CCNDBP1: variants seen among roughly 807,000 people sequenced by gnomAD.
The protein encoded by CCNDBP1 is cyclin-D1-binding protein 1.
Under a neutral mutation model 46.2 loss-of-function variants are expected in CCNDBP1, and 45 were observed. That is an observed-to-expected ratio of 0.97 (90% confidence interval 0.77 to 1.25). The LOEUF is 1.25. CCNDBP1 is among the 50% of genes most tolerant of loss of function. The pLI, the probability that CCNDBP1 is intolerant of heterozygous loss-of-function variation, is 0.00. For synonymous variants in CCNDBP1, 154 were observed against 163.6 expected, an observed-to-expected ratio of 0.94 and a Z score of 0.45; for missense variants, 436 against 442.1, an observed-to-expected ratio of 0.99 and a Z score of 0.12.
intron 4 of CCNDBP1, chr15:43,189,481 T>C: frequency 2.0e-6 from 1 of 493,806 alleles, no homozygotes; most frequent in Admixed American, 3.9e-5. Flanking sequence ...TGACTTCCCA[T>C]CTCCCCTGCC....
In CCNDBP1 at chr15:43,191,396, C is replaced by T; in HGVS notation, c.581C>T (p.Ala194Val). The T allele has an allele frequency of 8.1e-7, 1 of 1,236,440 alleles. No individual in the cohort carries two copies. Among genetic ancestry groups the T allele is most frequent in the Non-Finnish European group, 1.1e-6 (1 of 899,946 alleles). 76.6% of individuals were successfully genotyped at this position (1,236,440 alleles called of 1,614,324 possible). A position where few individuals can be genotyped will look rare whatever the true frequency, so the allele number is the denominator to read the frequency against. Reference sequence around the variant, plus strand: ...CACATACATCATGGTATGTCTTAGGCTGTGGAAGAATGTGACCCTTACTCT... The same window carrying T: ...CACATACATCATGGTATGTCTTAGGTTGTGGAAGAATGTGACCCTTACTCT... ...VKDAHEEMEQ[A>V]VEECDPYSGL... The change falls in exon 8 of 11, where the codon GCT becomes GTT. Residue 194 changes from alanine to valine, a missense_variant and splice_region_variant. Ala to Val is a moderately conservative substitution (Grantham distance 64, BLOSUM62 0). Coordinates refer to ENST00000300213, the MANE Select transcript of CCNDBP1 (RefSeq NM_012142.5).
chr15:43,191,107 G>C, intron 7 of CCNDBP1, 65 bp downstream of exon 7: 1 of 1,292,460 alleles, frequency 7.7e-7, no homozygotes, highest in African/African-American at 1.5e-5. Context: ...ATTATAAAGA[G>C]AGATTTCCTG....
At position 43,185,617 on chromosome 15, in the gene CCNDBP1, C is replaced by T; in HGVS notation, c.109+10C>T. On this transcript the variant is annotated intron_variant, in intron 1 of 10. Coordinates refer to ENST00000300213, the MANE Select transcript of CCNDBP1 (RefSeq NM_012142.5). ...CTGCCTCGAGTGCGGGGTGAGCTGACGGAGTTAGAACGGGCGACGGCAGGG... is the reference window on the plus strand; with the variant it reads ...CTGCCTCGAGTGCGGGGTGAGCTGATGGAGTTAGAACGGGCGACGGCAGGG... 8.8e-7 allele frequency: 1 copy of T among 1,141,738 alleles called. No individual in the cohort carries two copies. Among genetic ancestry groups the T allele is most frequent in the African/African-American group, 1.7e-5 (1 of 58,942 alleles). 70.7% of individuals were successfully genotyped at this position (1,141,738 alleles called of 1,614,324 possible).
intron 7 of CCNDBP1, 104 bp downstream of exon 7, chr15:43,191,146 C>T (rs1483006734): frequency 1.3e-5 from 12 of 944,150 alleles, no homozygotes; most frequent in Middle Eastern, 2.3e-4. Context: ...CCCATTCTCA[C>T]TACTGTCCTC....
intron 3 of CCNDBP1, 109 bp from the exon 4 acceptor site, chr15:43,189,090 A>C (rs2041902406): frequency 2.2e-6 from 1 of 455,878 alleles, no homozygotes; most frequent in South Asian, 3.4e-5. Flanking sequence ...AAAAAAAAAA[A>C]AAAAAAAAAA....
intron 3 of CCNDBP1, among the ~76,000 whole-genome samples, chr15:43,187,404 G>C (rs570181931): frequency 1.2e-4 from 18 of 152,068 alleles, no homozygotes; most frequent in African/African-American, 4.1e-4. Flanking sequence ...CGAGTAGCTG[G>C]GATTACAGGC....
intron 4 of CCNDBP1, chr15:43,189,830 G>A (rs866577905): frequency 2.5e-5 from 13 of 530,196 alleles, no homozygotes; most frequent in South Asian, 1.4e-4. Context: ...ATGGTGTCAC[G>A]GAAAGATTTT....
At chr15:43,187,559 C>T (rs1371167062) in intron 3 of CCNDBP1, among the ~76,000 whole-genome samples, 1 of 152,054 alleles carries the variant, frequency 6.6e-6, no homozygotes, top group East Asian at 1.9e-4. Flanking sequence ...TGTGAGCCAC[C>T]GTGCCTGGCC....
At position 43,187,041 on chromosome 15, in the gene CCNDBP1, A is replaced by C. The variant is rs1236243464; in HGVS notation, c.249+808A>C. 2.6e-5 allele frequency among the ~76,000 whole-genome samples: 4 copies of C among 152,354 alleles called. No homozygotes were observed. In the East Asian group the frequency reaches 7.7e-4, roughly 29 times the overall value. On this transcript the variant is annotated intron_variant, in intron 3 of 10. Transcript: ENST00000300213. The stretch of plus-strand genomic sequence containing the variant: ...CTTTATTATAAAACTAATGAAAGTA[A>C]ACATGTTGGCTATGACCACGTATGC...
At chr15:43,190,859 G>A (rs771697806) in intron 6 of CCNDBP1, 107 bp from the exon 7 acceptor site, 46 of 876,166 alleles carry the variant, frequency 5.3e-5, no homozygotes, top group African/African-American at 3.2e-4. Context: ...CTTGTCAACC[G>A]TCCTTGGCAC....
intron 6 of CCNDBP1, 75 bp from the exon 7 acceptor site, chr15:43,190,891 G>C: frequency 3.4e-6 from 4 of 1,182,568 alleles, no homozygotes; most frequent in Non-Finnish European, 5.1e-6. Context: ...GGAACAATGT[G>C]ATTGTTCCTT....
intron 7 of CCNDBP1, 45 bp from the exon 8 acceptor site, chr15:43,191,350 T>C: frequency 8.2e-7 from 1 of 1,214,568 alleles, no homozygotes; most frequent in Non-Finnish European, 1.1e-6. Context: ...CGCCTTTTTT[T>C]TTTTTTTTTT....
At chr15:43,191,344 T>G in intron 7 of CCNDBP1, 51 bp from the exon 8 acceptor site, 1 of 3,642 alleles carries the variant, frequency 2.7e-4, no homozygotes, top group Non-Finnish European at 7.0e-4. Flanking sequence ...AGGCCTCGCC[T>G]TTTTTTTTTT....
chr15:43,187,374 G>A (rs2041870513), intron 3 of CCNDBP1, among the ~76,000 whole-genome samples: 1 of 151,642 alleles, frequency 6.6e-6, no homozygotes, highest in South Asian at 2.1e-4. Context: ...GGTTCAAGCA[G>A]TTCTCCTGCC....
At chr15:43,191,261 C>A in intron 7 of CCNDBP1, 134 bp from the exon 8 acceptor site, 1 of 954,772 alleles carries the variant, frequency 1.0e-6, no homozygotes, top group Non-Finnish European at 1.5e-6. Flanking sequence ...AGTGATTCAA[C>A]TCTGTAGCCC....
At position 43,194,852 on chromosome 15, in the gene CCNDBP1, T is replaced by C. The variant is rs1457866720; in HGVS notation, c.*11T>C. On this transcript the variant is annotated 3_prime_UTR_variant, in exon 11 of 11. Transcript: ENST00000300213. ...GAACTTGAATTATGACTTTTCAGGC[T>C]CATTTGTACTCTCTTCCCCTCTCAT... is the stretch of plus-strand genomic sequence containing the variant. 6 of 1,479,024 alleles carry C rather than the reference T, an allele frequency of 4.1e-6. No homozygotes were observed. The highest frequency in any genetic ancestry group is 1.7e-5 in the Admixed American group (1 of 59,732). 91.6% of individuals were successfully genotyped at this position (1,479,024 alleles called of 1,614,324 possible). A position where few individuals can be genotyped will look rare whatever the true frequency, so the allele number is the denominator to read the frequency against.
chr15:43,185,774 C>A, intron 1 of CCNDBP1, 46 bp from the exon 2 acceptor site: 1 of 1,596,072 alleles, frequency 6.3e-7, no homozygotes, highest in Non-Finnish European at 8.5e-7. Context: ...CTTACCTCAG[C>A]TTTTCCATTC....
chr15:43,193,843 ATTT>A (rs991784210), intron 9 of CCNDBP1, among the ~76,000 whole-genome samples: 7 of 152,060 alleles, frequency 4.6e-5, no homozygotes, highest in African/African-American at 1.7e-4. Flanking sequence ...GGGCATTAAC[ATTT>A]TTTTGGCATT....
At chr15:43,185,791 G>A (rs1302350017) in intron 1 of CCNDBP1, 29 bp from the exon 2 acceptor site, 12 of 1,606,654 alleles carry the variant, frequency 7.5e-6, no homozygotes, top group East Asian at 4.5e-5. Flanking sequence ...ATTCGCCACC[G>A]TTCGGCCCCC....
Sources: allele counts gnomAD v4.1 joint callset (sites outside exome capture counted in the v4.1 genomes callset), GRCh38; gene constraint gnomAD v4.1.1; transcripts MANE v1.5; gene names NCBI Gene and HGNC (gene_info 2026-07-23, HGNC 2026-07-21).